The following CTDSPL2 variants were observed in gnomAD, a reference collection of about 807,000 sequenced individuals.
CTDSPL2 encodes the protein CTD small phosphatase-like protein 2.
A neutral mutation model predicts 60.0 loss-of-function variants in CTDSPL2; 5 were observed. That is an observed-to-expected ratio of 0.08 (90% CI 0.04 to 0.18). The LOEUF (loss-of-function observed/expected upper bound fraction) is 0.18, where lower values mean the gene tolerates loss of function less well. Ranked by LOEUF, CTDSPL2 falls within the 10% of genes least tolerant of loss-of-function variation. The pLI is 1.00. For synonymous variants in CTDSPL2, 186 were observed against 189.3 expected, an observed-to-expected ratio of 0.98 and a Z score of 0.14; for missense variants, 370 against 548.8, an observed-to-expected ratio of 0.67 and a Z score of 3.26.
At chr15:44,445,005 A>G (rs932268535) in intron 1 of CTDSPL2, among the ~76,000 whole-genome samples, 2 of 150,698 alleles carry the variant, frequency 1.3e-5, no homozygotes, top group South Asian at 2.1e-4. Flanking sequence ...ACACCTGGCT[A>G]ATTTTTTTTA....
At chr15:44,458,172 A>G (rs996507393) in intron 1 of CTDSPL2, among the ~76,000 whole-genome samples, 1 of 152,170 alleles carries the variant, frequency 6.6e-6, no homozygotes, top group African/African-American at 2.4e-5. Context: ...TTTTTTATAC[A>G]TGTGATAAAA....
At chr15:44,491,312 G>T (rs189727208) in intron 5 of CTDSPL2, among the ~76,000 whole-genome samples, 1 of 152,072 alleles carries the variant, frequency 6.6e-6, no homozygotes, top group East Asian at 1.9e-4. Context: ...TATTATTATT[G>T]CACAAGTCTT....
chr15:44,444,302 T>TACACACACACAC lies in CTDSPL2; in HGVS notation c.-24-14661_-24-14650dup, dbSNP rs59993417. ...AATCCAATGTTATGAGCTTTTCCCA[T>TACACACACACAC]ACACACACACACACACACACACACA... On this transcript the variant is annotated intron_variant, in intron 1 of 12. Transcript: ENST00000260327. 4.0e-3 allele frequency among the ~76,000 whole-genome samples: 539 copies of TACACACACACAC among 136,270 alleles called. 3 individuals carry two copies. Among genetic ancestry groups the TACACACACACAC allele is most frequent in the African/African-American group, 0.014 (500 of 36,078 alleles). 89.4% of individuals were successfully genotyped at this position (136,270 alleles called of 152,430 possible). A position where few individuals can be genotyped will look rare whatever the true frequency, so the allele number is the denominator to read the frequency against.
rs979606676 is a variant in CTDSPL2, at chr15:44,483,283, G to A, written c.187-941G>A. 1.3e-4 allele frequency among the ~76,000 whole-genome samples: 20 copies of A among 149,302 alleles called. 1 individual carries two copies. The South Asian group carries it at 3.0e-3, about 22-fold the overall frequency. Reference sequence around the variant, plus strand: ...GTCTCAAAAAAAAAAAAAAGAAAAAGAAAAAATCACTCATGTGCATGACTC... The same window carrying A: ...GTCTCAAAAAAAAAAAAAAGAAAAAAAAAAAATCACTCATGTGCATGACTC... On this transcript the variant is annotated intron_variant, in intron 2 of 12. Transcript: ENST00000260327.
chr15:44,450,507 T>C (rs1384094553), intron 1 of CTDSPL2, among the ~76,000 whole-genome samples: 3 of 152,092 alleles, frequency 2.0e-5, no homozygotes, highest in Non-Finnish European at 2.9e-5. Context: ...AACAGTTTAT[T>C]TTCCAACAAG....
In CTDSPL2 at chr15:44,509,745, T is replaced by A. The variant is rs371476532; in HGVS notation, c.970-4853T>A. ...GCAGATCACTTGCCTTGCTGACATGTCAAAACCCCGTCTCTACTAAAAATA... is the reference window on the plus strand; with the variant it reads ...GCAGATCACTTGCCTTGCTGACATGACAAAACCCCGTCTCTACTAAAAATA... On this transcript the variant is annotated intron_variant, in intron 8 of 12. Transcript: ENST00000260327. Among the ~76,000 whole-genome samples the A allele has an allele frequency of 6.6e-5, 10 of 151,742 alleles. No individual in the cohort carries two copies. In the East Asian group the frequency reaches 2.0e-3, roughly 30 times the overall value.
chr15:44,486,542 C>T lies in CTDSPL2; in HGVS notation c.326-9C>T, dbSNP rs777404427. On this transcript the variant is annotated splice_polypyrimidine_tract_variant and intron_variant, in intron 3 of 12. Coordinates refer to ENST00000260327, the MANE Select transcript of CTDSPL2 (RefSeq NM_016396.3). ...CTAGATCATGACTTTTTTCTTGTTT[C>T]TTTTTTAGAAGCTGGTAGTTATGAA... The T allele has an allele frequency of 3.3e-6, 5 of 1,519,610 alleles. No homozygotes were observed. The Admixed American group carries it at 9.4e-5, about 29-fold the overall frequency. 94.1% of individuals were successfully genotyped at this position (1,519,610 alleles called of 1,614,324 possible).
intron 2 of CTDSPL2, among the ~76,000 whole-genome samples, chr15:44,480,824 G>A (rs1375887843): frequency 1.5e-4 from 23 of 151,620 alleles, no homozygotes; most frequent in Admixed American, 1.5e-3. Context: ...CAGAGACCCT[G>A]CCTCCATGAA....
chr15:44,462,411 G>A (rs1336556793), intron 2 of CTDSPL2, among the ~76,000 whole-genome samples: 1 of 152,160 alleles, frequency 6.6e-6, no homozygotes, highest in Non-Finnish European at 1.5e-5. Context: ...CAGCCAGGGT[G>A]GGGTTTAGTT....
At chr15:44,478,960 C>T (rs2080973638) in intron 2 of CTDSPL2, among the ~76,000 whole-genome samples, 1 of 150,644 alleles carries the variant, frequency 6.6e-6, no homozygotes, top group African/African-American at 2.4e-5. Context: ...TAGCCTGTCT[C>T]AAAAACAAAT....
At chr15:44,496,573 T>C in intron 6 of CTDSPL2, 115 bp downstream of exon 6, 1 of 764,574 alleles carries the variant, frequency 1.3e-6, no homozygotes, top group Non-Finnish European at 2.2e-6. Context: ...CTGTAGGTAT[T>C]TGAAACTTTT....
intron 7 of CTDSPL2, among the ~76,000 whole-genome samples, chr15:44,499,459 T>C (rs2081353691): frequency 6.6e-6 from 1 of 152,160 alleles, no homozygotes; most frequent in African/African-American, 2.4e-5. Context: ...CCTGAGTTTC[T>C]GATCATCAGA....
intron 11 of CTDSPL2, chr15:44,520,351 G>C (rs2081743940): frequency 6.6e-6 from 1 of 151,890 alleles, no homozygotes; most frequent in Admixed American, 6.6e-5. Flanking sequence ...GTTTTGCTGT[G>C]TTGGCCAGGC....
At position 44,506,025 on chromosome 15, in the gene CTDSPL2, C is replaced by CGTTTTTTTTTTTTTTTTTTTTTTTT; in HGVS notation, c.969+6212_969+6213insGTTTTTTTTTTTTTTTTTTTTTTTT. The stretch of plus-strand genomic sequence containing the variant: ...GATGAAAATTATGCTTCATTGGTAA[C>CGTTTTTTTTTTTTTTTTTTTTTTTT]TTTTTTTTTTTTTTTTTTTTTTGAG... On this transcript the variant is annotated intron_variant, in intron 8 of 12. Transcript: ENST00000260327. Among the ~76,000 whole-genome samples, 3 of 117,580 alleles carry CGTTTTTTTTTTTTTTTTTTTTTTTT rather than the reference C, an allele frequency of 2.6e-5. No individual in the cohort carries two copies. In the East Asian group the frequency reaches 8.1e-4, roughly 32 times the overall value. The allele number at this position is 117,580 out of a possible 152,430, so 77.1% of individuals were successfully genotyped here. A position where few individuals can be genotyped will look rare whatever the true frequency, so the allele number is the denominator to read the frequency against.
intron 1 of CTDSPL2, among the ~76,000 whole-genome samples, chr15:44,446,146 G>A (rs976099791): frequency 2.0e-5 from 3 of 151,320 alleles, no homozygotes; most frequent in East Asian, 1.9e-4. Flanking sequence ...GGCAGTTCTC[G>A]AACTCCTGAC....
intron 1 of CTDSPL2, among the ~76,000 whole-genome samples, chr15:44,432,993 C>T (rs2079892041): frequency 6.6e-6 from 1 of 151,902 alleles, no homozygotes; most frequent in Non-Finnish European, 1.5e-5. Flanking sequence ...GGGATTCTAG[C>T]ATGGAAATGT....
rs925020367 is a variant in CTDSPL2, at chr15:44,528,710, T to C, written c.*4536T>C. 6.6e-6 allele frequency: 1 copy of C among 152,138 alleles called. No homozygotes were observed. Among genetic ancestry groups the C allele is most frequent in the Non-Finnish European group, 1.5e-5 (1 of 68,020 alleles). 9.4% of individuals were successfully genotyped at this position (152,138 alleles called of 1,614,324 possible). On this transcript the variant is annotated 3_prime_UTR_variant, in exon 13 of 13. Transcript: ENST00000260327. ...CTGAATGAGACCATTATATATATTA[T>C]CTGTAAAATATTTCACTATTTTTTT...
chr15:44,449,720 T>C (rs147879695), intron 1 of CTDSPL2, among the ~76,000 whole-genome samples: 1,558 of 151,966 alleles, frequency 0.01, 26 homozygotes, highest in African/African-American at 0.036. Flanking sequence ...CCAGGCGTGG[T>C]GGCACTAGCC....
chr15:44,430,352 C>T (rs549901869), intron 1 of CTDSPL2, among the ~76,000 whole-genome samples: 50 of 152,202 alleles, frequency 3.3e-4, no homozygotes, highest in African/African-American at 1.2e-3. Flanking sequence ...CCTATGCAGT[C>T]CTCCTGCTTC....
Sources: gnomAD v4.1 joint callset for allele counts (sites outside exome capture counted in the v4.1 genomes callset) on GRCh38, gnomAD v4.1.1 for gene constraint, MANE v1.5 for transcripts, NCBI Gene and HGNC (gene_info 2026-07-23, HGNC 2026-07-21) for gene names.